MRPS25: variants seen among roughly 807,000 people sequenced by gnomAD.
MRPS25 encodes mitochondrial ribosomal protein S25.
A neutral mutation model predicts 17.3 loss-of-function variants in MRPS25; 15 were observed. The ratio of observed to expected loss-of-function variants is 0.87; its 90% CI spans 0.58 to 1.34. The LOEUF is 1.34. Ranked by LOEUF, MRPS25 falls within the 40% of genes most tolerant of loss-of-function variation. MRPS25 has a pLI of 0.00. For missense variants in MRPS25, 225 were observed against 218.6 expected (o/e 1.03, Z -0.19); for synonymous variants, 94 against 83.3 (o/e 1.13, Z -0.70).
Position 15,051,140 on chromosome 3 carries a change from G to C in MRPS25, c.*1301C>G. On this transcript the variant is annotated 3_prime_UTR_variant, in exon 4 of 4. Transcript: ENST00000253686. ...TCAGGTCTCCTTGGCTGAGTTTCTA[G>C]GGGTCCGTGGTCCAACTGGTCCTTC... 1 of 985,328 alleles carries C rather than the reference G, an allele frequency of 1.0e-6. No homozygotes were observed. The highest frequency in any genetic ancestry group is 1.2e-6 in the Non-Finnish European group (1 of 829,912). 61.0% of individuals were successfully genotyped at this position (985,328 alleles called of 1,614,324 possible). A position where few individuals can be genotyped will look rare whatever the true frequency, so the allele number is the denominator to read the frequency against.
At chr3:15,058,608 G>A (rs1184228056) in intron 2 of MRPS25, among the ~76,000 whole-genome samples, 4 of 152,196 alleles carry the variant, frequency 2.6e-5, no homozygotes, top group Non-Finnish European at 4.4e-5. Context: ...CCAGCACCTG[G>A]TCCTAGGGAA....
At chr3:15,044,423 T>C (rs1000498217), downstream of MRPS25, 1 of 152,110 alleles carries the variant, frequency 6.6e-6, no homozygotes, top group Non-Finnish European at 1.5e-5. Context: ...CCTCATAAAT[T>C]GTAGCAACCA....
Position 15,049,704 on chromosome 3 carries a change from T to G in MRPS25, c.*2737A>C. ...GTTAGAACATATTCATTATGTCATC[T>G]GACCTCTCATGTTCCAGGTGAAAAT... On this transcript the variant is annotated 3_prime_UTR_variant, in exon 4 of 4. Coordinates refer to ENST00000253686, the MANE Select transcript of MRPS25 (RefSeq NM_022497.5). 1.8e-6 allele frequency: 1 copy of G among 569,250 alleles called. No homozygotes were observed. The highest frequency in any genetic ancestry group is 3.0e-6 in the Non-Finnish European group (1 of 327,888). 35.3% of individuals were successfully genotyped at this position (569,250 alleles called of 1,614,324 possible).
At chr3:15,063,084 C>A (rs1415383902) in intron 1 of MRPS25, among the ~76,000 whole-genome samples, 1 of 151,052 alleles carries the variant, frequency 6.6e-6, no homozygotes, top group Non-Finnish European at 1.5e-5. Context: ...ATGGCAGGAA[C>A]CTTGAGTTGA....
Position 15,051,726 on chromosome 3 carries a change from TCTC to T in MRPS25, c.*712_*714del, listed in dbSNP as rs1214823571. The T allele has an allele frequency of 1.0e-5, 10 of 984,990 alleles. No homozygotes were observed. The highest frequency in any genetic ancestry group is 4.7e-5 in the South Asian group (1 of 21,266). The allele number at this position is 984,990 out of a possible 1,614,324, so 61.0% of individuals were successfully genotyped here. A position where few individuals can be genotyped will look rare whatever the true frequency, so the allele number is the denominator to read the frequency against. On this transcript the variant is annotated 3_prime_UTR_variant, in exon 4 of 4. Transcript: ENST00000253686. ...GCCCCAATGTCTCCACTAGGTGGTG[TCTC>T]CTCATTTCCTCCATGGCCTACAAAC... is the stretch of plus-strand genomic sequence containing the variant.
chr3:15,045,305 A>C (rs1575057101), downstream of MRPS25: 1 of 152,656 alleles, frequency 6.6e-6, no homozygotes. Flanking sequence ...AAAGGTCTCC[A>C]CCAGCCCCTC....
intron 1 of MRPS25, among the ~76,000 whole-genome samples, chr3:15,062,834 A>G (rs575771160): frequency 3.5e-4 from 54 of 152,236 alleles, no homozygotes; most frequent in Middle Eastern, 6.8e-3. Context: ...TAAGGGCGGT[A>G]CAAGATGTGC....
Position 15,050,595 on chromosome 3 carries a change from G to C in MRPS25, c.*1846C>G, listed in dbSNP as rs556840024. 2.3e-5 allele frequency: 23 copies of C among 985,448 alleles called. No homozygotes were observed. In the East Asian group the frequency reaches 2.3e-3, roughly 97 times the overall value. 61.0% of individuals were successfully genotyped at this position (985,448 alleles called of 1,614,324 possible). On this transcript the variant is annotated 3_prime_UTR_variant, in exon 4 of 4. Transcript: ENST00000253686. Reference sequence around the variant, plus strand: ...AGGTCAAGACTTCAGTCAGTTGGGTGGGGAACTGAAACCAGCAGACATGGG... The same window carrying C: ...AGGTCAAGACTTCAGTCAGTTGGGTCGGGAACTGAAACCAGCAGACATGGG...
Position 15,065,047 on chromosome 3 carries a change from G to GAGCATTTTAAATGCA in MRPS25, c.134+13_134+14insTGCATTTAAAATGCT, listed in dbSNP as rs2042835134. 1 of 1,565,806 alleles carries GAGCATTTTAAATGCA rather than the reference G, an allele frequency of 6.4e-7. No homozygotes were observed. The highest frequency in any genetic ancestry group is 8.6e-7 in the Non-Finnish European group (1 of 1,161,018). On this transcript the variant is annotated intron_variant, in intron 1 of 3. Transcript: ENST00000253686. ...CAGGTTACGGCTCGCCAGGCGGCCG[G>GAGCATTTTAAATGCA]GGCTGCGACTGACCTGGCGCCCTCG... is the stretch of plus-strand genomic sequence containing the variant.
chr3:15,050,857 T>C lies in MRPS25; in HGVS notation c.*1584A>G. 1 of 985,278 alleles carries C rather than the reference T, an allele frequency of 1.0e-6. No individual in the cohort carries two copies. Among genetic ancestry groups the C allele is most frequent in the Middle Eastern group, 5.2e-4 (1 of 1,916 alleles). The allele number at this position is 985,278 out of a possible 1,614,324, so 61.0% of individuals were successfully genotyped here. A position where few individuals can be genotyped will look rare whatever the true frequency, so the allele number is the denominator to read the frequency against. Reference sequence around the variant, plus strand: ...TCAAATGTAAAAGATCCAAATCTGCTCAATTTAATGTGATAATCTCCAACA... The same window carrying C: ...TCAAATGTAAAAGATCCAAATCTGCCCAATTTAATGTGATAATCTCCAACA... On this transcript the variant is annotated 3_prime_UTR_variant, in exon 4 of 4. Transcript: ENST00000253686.
intron 1 of MRPS25, among the ~76,000 whole-genome samples, chr3:15,063,015 C>T (rs1476795590): frequency 6.6e-6 from 1 of 151,670 alleles, no homozygotes. Context: ...GCCAAATCCC[C>T]CTCTGCGAGA....
At chr3:15,043,347 G>C (rs893868556), downstream of MRPS25, 2 of 169,158 alleles carry the variant, frequency 1.2e-5, no homozygotes, top group Non-Finnish European at 1.3e-5. Context: ...GAACCTGAGA[G>C]AATAGTATGT....
At position 15,049,697 on chromosome 3, in the gene MRPS25, T is replaced by C; in HGVS notation, c.*2744A>G. 1 of 561,936 alleles carries C rather than the reference T, an allele frequency of 1.8e-6. No individual in the cohort carries two copies. Among genetic ancestry groups the C allele is most frequent in the South Asian group, 2.3e-5 (1 of 43,030 alleles). The allele number at this position is 561,936 out of a possible 1,614,324, so 34.8% of individuals were successfully genotyped here. ...TTCAGAAGTTAGAACATATTCATTATGTCATCTGACCTCTCATGTTCCAGG... is the reference window on the plus strand; with the variant it reads ...TTCAGAAGTTAGAACATATTCATTACGTCATCTGACCTCTCATGTTCCAGG... On this transcript the variant is annotated 3_prime_UTR_variant, in exon 4 of 4. Transcript: ENST00000253686.
intron 1 of MRPS25, among the ~76,000 whole-genome samples, chr3:15,060,510 T>C (rs1407967772): frequency 3.2e-5 from 4 of 126,924 alleles, no homozygotes; most frequent in African/African-American, 1.2e-4. Context: ...AGCAAGGTCC[T>C]CTCTCAAAAA....
intron 1 of MRPS25, among the ~76,000 whole-genome samples, chr3:15,060,057 T>A (rs1404065926): frequency 6.6e-6 from 1 of 151,940 alleles, no homozygotes; most frequent in Non-Finnish European, 1.5e-5. Flanking sequence ...CAAAGTAATA[T>A]TAATCTGAAC....
Position 15,064,934 on chromosome 3 carries a change from A to G in MRPS25, c.134+127T>C, listed in dbSNP as rs1227297123. On this transcript the variant is annotated intron_variant, in intron 1 of 3. Transcript: ENST00000253686. Reference sequence around the variant, plus strand: ...TGGACCTCTGTAAAATGGGGGTAACAGCGCCGACCTGGGGGGCCCGCCCCG... The same window carrying G: ...TGGACCTCTGTAAAATGGGGGTAACGGCGCCGACCTGGGGGGCCCGCCCCG... 7 of 1,238,988 alleles carry G rather than the reference A, an allele frequency of 5.6e-6. No individual in the cohort carries two copies. The African/African-American group carries it at 9.1e-5, about 16-fold the overall frequency. 76.7% of individuals were successfully genotyped at this position (1,238,988 alleles called of 1,614,324 possible).
downstream of MRPS25, chr3:15,043,983 A>G (rs558701444): frequency 6.6e-4 from 100 of 152,292 alleles, no homozygotes; most frequent in African/African-American, 2.2e-3. Flanking sequence ...AGTACTTCCA[A>G]TACAATTGGG....
downstream of MRPS25, chr3:15,042,800 C>G (rs750405971): frequency 5.0e-6 from 8 of 1,597,910 alleles, no homozygotes; most frequent in Non-Finnish European, 6.8e-6. Context: ...GGGCATCAAA[C>G]AGTCTCCTTT....
chr3:15,047,902 AAGC>A (rs2042512133), downstream of MRPS25: 1 of 152,226 alleles, frequency 6.6e-6, no homozygotes, highest in Admixed American at 6.5e-5. Flanking sequence ...GTGCCCTTAA[AAGC>A]TACAGATACC....
Sources: allele counts gnomAD v4.1 joint callset (sites outside exome capture counted in the v4.1 genomes callset), GRCh38; gene constraint gnomAD v4.1.1; transcripts MANE v1.5; gene names NCBI Gene and HGNC (gene_info 2026-07-23, HGNC 2026-07-21).